FILIP1: variants seen among roughly 807,000 people sequenced by gnomAD.
The protein encoded by FILIP1 is filamin-A-interacting protein 1.
A neutral mutation model predicts 102.1 loss-of-function variants in FILIP1; 61 were observed. The ratio of observed to expected loss-of-function variants is 0.60; its 90% CI spans 0.49 to 0.74. The LOEUF is 0.74. Among genes scored for constraint, FILIP1 ranks in the 30% least tolerant of loss-of-function variants. FILIP1 has a pLI of 0.00. For synonymous variants in FILIP1, 491 were observed against 526.9 expected, an observed-to-expected ratio of 0.93 and a Z score of 0.93; for missense variants, 1,314 against 1,441.2, an observed-to-expected ratio of 0.91 and a Z score of 1.43.
intron 2 of FILIP1, among the ~76,000 whole-genome samples, chr6:75,405,398 CAACA>C (rs934297391): frequency 8.6e-5 from 13 of 150,546 alleles, no homozygotes; most frequent in Admixed American, 4.6e-4. Context: ...ACAACAACAA[CAACA>C]AACAAACAAA....
chr6:75,314,632 A>G lies in FILIP1; in HGVS notation c.1200T>C (p.Thr400=). The change falls in exon 5 of 6, where the codon ACT becomes ACC. Residue 400 remains threonine (T), a synonymous_variant. Coordinates refer to ENST00000237172, the MANE Select transcript of FILIP1 (RefSeq NM_015687.5). ...MEGKDEEITK[T]ESQCRELRKK... ...TCCTCAATTCCCTACACTGGGATTC[A>G]GTTTTAGTGATCTCCTCATCTTTAC... The G allele has an allele frequency of 6.2e-7, 1 of 1,613,402 alleles. No individual in the cohort carries two copies.
At chr6:75,475,772 G>A (rs74761752) in intron 1 of FILIP1, among the ~76,000 whole-genome samples, 3,805 of 152,086 alleles carry the variant, frequency 0.025, 158 homozygotes, top group African/African-American at 0.087. Context: ...ATGTCTTAGG[G>A]AAGAATTCAA....
chr6:75,417,925 C>T (rs1420182668), intron 1 of FILIP1, among the ~76,000 whole-genome samples: 3 of 152,124 alleles, frequency 2.0e-5, no homozygotes, highest in East Asian at 1.9e-4. Context: ...AGGCCAGGCG[C>T]GGTGGCTCAC....
chr6:75,322,029 G>C (rs1019200090), intron 4 of FILIP1, among the ~76,000 whole-genome samples: 2 of 152,176 alleles, frequency 1.3e-5, no homozygotes, highest in Non-Finnish European at 2.9e-5. Flanking sequence ...GTTTTGGGAA[G>C]GCAGGAACAG....
At position 75,295,906 on chromosome 6, in the gene FILIP1, C is replaced by T. The variant is rs747085533; in HGVS notation, c.*4G>A. On this transcript the variant is annotated 3_prime_UTR_variant, in exon 7 of 7. Coordinates refer to the FILIP1 transcript ENST00000393004. ...CACACCCAGTATGTGCTTGGTTTACCATTTCATCTGGAGTTCATTCGTAAC... is the reference window on the plus strand; with the variant it reads ...CACACCCAGTATGTGCTTGGTTTACTATTTCATCTGGAGTTCATTCGTAAC... 5.5e-6 allele frequency: 8 copies of T among 1,452,820 alleles called. 1 individual carries two copies. Among genetic ancestry groups the T allele is most frequent in the Non-Finnish European group, 5.4e-6 (6 of 1,108,034 alleles). The allele number at this position is 1,452,820 out of a possible 1,614,324, so 90.0% of individuals were successfully genotyped here.
chr6:75,434,446 T>C (rs375805242), intron 1 of FILIP1, among the ~76,000 whole-genome samples: 46 of 152,266 alleles, frequency 3.0e-4, no homozygotes, highest in Non-Finnish European at 6.0e-4. Flanking sequence ...ATTCTCTTTG[T>C]AGCAATTGTG....
chr6:75,458,554 A>G (rs1778918956), intron 1 of FILIP1, among the ~76,000 whole-genome samples: 1 of 152,178 alleles, frequency 6.6e-6, no homozygotes, highest in South Asian at 2.1e-4. Flanking sequence ...CGCTTAAGCT[A>G]CCCAAGAGTG....
At chr6:75,325,689 A>T (rs1363216236) in intron 4 of FILIP1, among the ~76,000 whole-genome samples, 1 of 151,956 alleles carries the variant, frequency 6.6e-6, no homozygotes, top group Non-Finnish European at 1.5e-5. Flanking sequence ...AGCCACAATG[A>T]GATACCATCT....
chr6:75,319,499 T>C (rs1582335617), intron 4 of FILIP1: 2 of 589,294 alleles, frequency 3.4e-6, no homozygotes, highest in East Asian at 8.7e-5. Context: ...TCCTTTCTCT[T>C]CAGCAGACAT....
At chr6:75,465,581 A>C (rs970273168) in intron 1 of FILIP1, 5 of 489,754 alleles carry the variant, frequency 1.0e-5, no homozygotes, top group Non-Finnish European at 1.8e-5. Context: ...TAAAAAAAAA[A>C]ACAAGCTCTT....
At chr6:75,340,213 T>A (rs1774375753) in intron 4 of FILIP1, among the ~76,000 whole-genome samples, 1 of 152,166 alleles carries the variant, frequency 6.6e-6, no homozygotes, top group Non-Finnish European at 1.5e-5. Flanking sequence ...ATAGTTTTAT[T>A]TTATTCCTCA....
intron 2 of FILIP1, among the ~76,000 whole-genome samples, chr6:75,372,682 A>AAAGAAAGAAAGG (rs1562514781): frequency 1.9e-5 from 1 of 51,776 alleles, no homozygotes; most frequent in Non-Finnish European, 3.6e-5. Flanking sequence ...AGAAAGAAAG[A>AAAGAAAGAAAGG]AAGAGAAAGA....
intron 2 of FILIP1, among the ~76,000 whole-genome samples, chr6:75,376,492 G>C (rs1015361626): frequency 6.6e-6 from 1 of 152,030 alleles, no homozygotes; most frequent in South Asian, 2.1e-4. Context: ...ATGTGACCTC[G>C]GGCCAGTTAG....
intron 1 of FILIP1, among the ~76,000 whole-genome samples, chr6:75,436,502 G>A (rs548007931): frequency 6.6e-6 from 1 of 152,172 alleles, no homozygotes; most frequent in Non-Finnish European, 1.5e-5. Flanking sequence ...GTTAGAAGTA[G>A]GTACAAGGGA....
intron 1 of FILIP1, among the ~76,000 whole-genome samples, chr6:75,481,527 C>T (rs996259923): frequency 3.3e-5 from 5 of 152,162 alleles, no homozygotes; most frequent in Non-Finnish European, 5.9e-5. Flanking sequence ...ACAAGCTTGC[C>T]TAAATGTGGA....
chr6:75,379,409 G>A (rs1775836757), intron 2 of FILIP1, among the ~76,000 whole-genome samples: 1 of 152,154 alleles, frequency 6.6e-6, no homozygotes, highest in African/African-American at 2.4e-5. Flanking sequence ...GATGCCTAAT[G>A]GAGACAGAAA....
In FILIP1 at chr6:75,314,879, T is replaced by C. The variant is rs768774107; in HGVS notation, c.953A>G (p.Asn318Ser). The C allele has an allele frequency of 6.2e-7, 1 of 1,614,130 alleles. No individual in the cohort carries two copies. Among genetic ancestry groups the C allele is most frequent in the Non-Finnish European group, 8.5e-7 (1 of 1,180,026 alleles). Residue 318 changes from asparagine to serine, a missense_variant, in exon 5 of 6, where the codon AAC becomes AGC. Physicochemically the swap from Asn to Ser is conservative, Grantham distance 46 (BLOSUM62 1). Transcript: ENST00000237172. ...SRFSQEHEEM[N>S]AKLANQESHN... ...AGACTCTTGATTAGCCAGTTTAGCG[T>C]TCATCTCTTCATGCTCTTGAGAAAA...
At chr6:75,438,746 G>A (rs1237156953) in intron 1 of FILIP1, among the ~76,000 whole-genome samples, 1 of 152,128 alleles carries the variant, frequency 6.6e-6, no homozygotes, top group East Asian at 1.9e-4. Flanking sequence ...AAAAAATGTG[G>A]ACTGATATCT....
At chr6:75,445,518 T>G (rs916243357) in intron 1 of FILIP1, among the ~76,000 whole-genome samples, 2 of 152,156 alleles carry the variant, frequency 1.3e-5, no homozygotes. Flanking sequence ...CTTAGCTGCT[T>G]CTTTTCTTAC....
Sources: gnomAD v4.1 joint callset for allele counts (sites outside exome capture counted in the v4.1 genomes callset) on GRCh38, gnomAD v4.1.1 for gene constraint, MANE v1.5 for transcripts, NCBI Gene and HGNC (gene_info 2026-07-23, HGNC 2026-07-21) for gene names.